MYO3A: variants seen among roughly 807,000 people sequenced by gnomAD.
The protein encoded by MYO3A is myosin-IIIa.
Under a neutral mutation model 192.7 loss-of-function variants are expected in MYO3A, and 180 were observed. The observed-to-expected ratio is 0.93, with a 90% CI of 0.83 to 1.06. The LOEUF is 1.06. MYO3A is among the 50% of genes least tolerant of loss of function. The pLI is 0.00. For synonymous variants in MYO3A, 628 were observed against 645.3 expected, an observed-to-expected ratio of 0.97 and a Z score of 0.41; for missense variants, 1,896 against 1,905.0, an observed-to-expected ratio of 1.00 and a Z score of 0.09.
intron 31 of MYO3A, among the ~76,000 whole-genome samples, chr10:26,191,742 G>A (rs1186115947): frequency 2.0e-5 from 3 of 152,174 alleles, no homozygotes; most frequent in South Asian, 2.1e-4. Flanking sequence ...AAGGTTAGAC[G>A]TCTATGAGTC....
chr10:25,962,681 A>G (rs527944063), intron 4 of MYO3A, among the ~76,000 whole-genome samples: 34 of 152,234 alleles, frequency 2.2e-4, no homozygotes, highest in African/African-American at 8.2e-4. Flanking sequence ...TTTACCCCTG[A>G]TATCTACTGT....
intron 14 of MYO3A, among the ~76,000 whole-genome samples, chr10:26,082,225 T>C (rs975825455): frequency 6.6e-6 from 1 of 152,208 alleles, no homozygotes; most frequent in Non-Finnish European, 1.5e-5. Flanking sequence ...ATCCCTGAGA[T>C]AAATTTTCAT....
At chr10:25,962,095 C>T (rs1837968721) in intron 4 of MYO3A, among the ~76,000 whole-genome samples, 1 of 152,052 alleles carries the variant, frequency 6.6e-6, no homozygotes, top group African/African-American at 2.4e-5. Flanking sequence ...ATGCTTTTCA[C>T]AACGAAAAAT....
At chr10:26,059,006 G>A (rs547006761) in intron 10 of MYO3A, among the ~76,000 whole-genome samples, 1 of 119,820 alleles carries the variant, frequency 8.3e-6, no homozygotes, top group Admixed American at 8.0e-5. Context: ...CTGGTATATA[G>A]GAAAGCAGTG....
intron 4 of MYO3A, among the ~76,000 whole-genome samples, chr10:25,963,586 G>A (rs905985144): frequency 6.6e-6 from 1 of 152,182 alleles, no homozygotes; most frequent in Non-Finnish European, 1.5e-5. Context: ...GGGCTGCTGA[G>A]TTACTTAGAT....
At chr10:26,182,195 G>A (rs537182532) in intron 31 of MYO3A, among the ~76,000 whole-genome samples, 97 of 152,220 alleles carry the variant, frequency 6.4e-4, no homozygotes, top group Admixed American at 4.8e-3. Flanking sequence ...TCCATCCCTC[G>A]CTAACTTCAC....
At chr10:26,191,160 T>C (rs1259008170) in intron 31 of MYO3A, among the ~76,000 whole-genome samples, 1 of 152,216 alleles carries the variant, frequency 6.6e-6, no homozygotes, top group African/African-American at 2.4e-5. Flanking sequence ...AAATGAGTAA[T>C]ATAAATGGAT....
chr10:26,040,536 C>T (rs929742864), intron 10 of MYO3A, among the ~76,000 whole-genome samples: 2 of 152,078 alleles, frequency 1.3e-5, no homozygotes, highest in Non-Finnish European at 2.9e-5. Context: ...AGAATGTTAT[C>T]TTTTGTTTCC....
chr10:25,997,286 T>A lies in MYO3A; in HGVS notation c.508+28T>A, dbSNP rs937196491. 3.4e-6 allele frequency: 5 copies of A among 1,467,110 alleles called. No individual in the cohort carries two copies. In the South Asian group the frequency reaches 5.7e-5, roughly 17 times the overall value. The allele number at this position is 1,467,110 out of a possible 1,614,324, so 90.9% of individuals were successfully genotyped here. ...AAGTTTTGTTTAAAATGCATGAGTT[T>A]TAACTCCATAATGAACTAGTATGAT... is the stretch of plus-strand genomic sequence containing the variant. On this transcript the variant is annotated intron_variant, in intron 6 of 34. Transcript: ENST00000642920.
rs1036899657 is a variant in MYO3A at position 26,174,397 on chromosome 10, G to A, written c.4133G>A (p.Arg1378Lys). ...KDKMSSFKHQ[R>K]IVTTPTEVAR... ...AAGATGTCTTCTTTTAAGCATCAGA[G>A]GATTGTCACAACACCAACAGAAGTA... is the stretch of plus-strand genomic sequence containing the variant. Residue 1378 changes from arginine to lysine, a missense_variant, in exon 30 of 35, where the codon AGG (arginine) becomes AAG (lysine). Transcript: ENST00000642920. 9.9e-6 allele frequency: 16 copies of A among 1,613,990 alleles called. No homozygotes were observed. The highest frequency in any genetic ancestry group is 1.0e-5 in the Non-Finnish European group (12 of 1,180,034).
intron 10 of MYO3A, among the ~76,000 whole-genome samples, chr10:26,040,982 A>AG (rs1843314375): frequency 6.6e-6 from 1 of 152,092 alleles, no homozygotes; most frequent in African/African-American, 2.4e-5. Flanking sequence ...TCAATGCTGA[A>AG]GGTGAAGTAT....
intron 4 of MYO3A, among the ~76,000 whole-genome samples, chr10:25,980,192 G>A (rs1287413463): frequency 1.2e-4 from 18 of 148,942 alleles, no homozygotes; most frequent in Admixed American, 9.4e-4. Flanking sequence ...AGCCGAGATC[G>A]CACCACTGCA....
intron 17 of MYO3A, among the ~76,000 whole-genome samples, chr10:26,110,527 G>T (rs74126402): frequency 0.097 from 14,775 of 152,172 alleles, 791 homozygotes; most frequent in Non-Finnish European, 0.12. Context: ...AGCAGCAAAG[G>T]TTGTCAGGAT....
intron 17 of MYO3A, among the ~76,000 whole-genome samples, chr10:26,101,238 C>G (rs1189505959): frequency 6.6e-6 from 1 of 151,734 alleles, no homozygotes; most frequent in African/African-American, 2.4e-5. Flanking sequence ...TTTTTGTTTT[C>G]CATTTGCTTG....
chr10:25,998,709 C>T (rs1840602496), intron 6 of MYO3A, among the ~76,000 whole-genome samples: 1 of 152,012 alleles, frequency 6.6e-6, no homozygotes, highest in African/African-American at 2.4e-5. Context: ...AAAATAGATA[C>T]AGTAAGTATA....
intron 10 of MYO3A, among the ~76,000 whole-genome samples, chr10:26,059,524 A>G (rs1242686826): frequency 6.6e-6 from 1 of 152,200 alleles, no homozygotes; most frequent in Non-Finnish European, 1.5e-5. Context: ...CTACATACAA[A>G]CACTCTTCCT....
At chr10:25,960,360 A>G (rs146624151) in intron 4 of MYO3A, among the ~76,000 whole-genome samples, 13 of 152,198 alleles carry the variant, frequency 8.5e-5, no homozygotes, top group Non-Finnish European at 1.9e-4. Flanking sequence ...AAAATAGACA[A>G]TTTATCTATG....
chr10:26,033,335 T>C (rs535178620), intron 10 of MYO3A, among the ~76,000 whole-genome samples: 1 of 152,268 alleles, frequency 6.6e-6, no homozygotes, highest in East Asian at 1.9e-4. Context: ...CGCTTCGGCC[T>C]CCCAAAGTGC....
intron 17 of MYO3A, among the ~76,000 whole-genome samples, chr10:26,106,101 T>C (rs1837782485): frequency 6.6e-6 from 1 of 152,124 alleles, no homozygotes; most frequent in South Asian, 2.1e-4. Context: ...TCCTTAGCTA[T>C]TGTTTAGCAT....
Sources: allele counts gnomAD v4.1 joint callset (sites outside exome capture counted in the v4.1 genomes callset), GRCh38; gene constraint gnomAD v4.1.1; transcripts MANE v1.5; gene names NCBI Gene and HGNC (gene_info 2026-07-23, HGNC 2026-07-21).